SCFD2: variants seen among roughly 807,000 people sequenced by gnomAD.
SCFD2 encodes the protein sec1 family domain-containing protein 2.
A neutral mutation model predicts 58.9 loss-of-function variants in SCFD2; 54 were observed. The ratio of observed to expected loss-of-function variants is 0.92; its 90% confidence interval spans 0.74 to 1.15. SCFD2 has a LOEUF of 1.15. SCFD2 is among the 50% of genes most tolerant of loss of function. SCFD2 has a pLI of 0.00. For synonymous variants in SCFD2, 321 were observed against 335.9 expected, an observed-to-expected ratio of 0.96 and a Z score of 0.49; for missense variants, 805 against 836.6, an observed-to-expected ratio of 0.96 and a Z score of 0.47.
At chr4:53,158,801 AT>A (rs1206166778) in intron 4 of SCFD2, among the ~76,000 whole-genome samples, 2 of 152,192 alleles carry the variant, frequency 1.3e-5, no homozygotes, top group Non-Finnish European at 2.9e-5. Flanking sequence ...TTTCTGACAG[AT>A]TACAATTAAA....
chr4:52,947,010 G>GT (rs1720448502), intron 5 of SCFD2, among the ~76,000 whole-genome samples: 1 of 152,154 alleles, frequency 6.6e-6, no homozygotes, highest in South Asian at 2.1e-4. Flanking sequence ...CCTGGTGCAT[G>GT]TGAGCGCTTT....
At chr4:53,165,816 T>C (rs1726990337) in intron 4 of SCFD2, among the ~76,000 whole-genome samples, 1 of 152,236 alleles carries the variant, frequency 6.6e-6, no homozygotes, top group East Asian at 1.9e-4. Context: ...TCAAACTTTA[T>C]TGAATGAATG....
At chr4:52,930,214 A>G (rs1719957960) in intron 5 of SCFD2, among the ~76,000 whole-genome samples, 1 of 152,174 alleles carries the variant, frequency 6.6e-6, no homozygotes, top group Non-Finnish European at 1.5e-5. Context: ...ATCTACAACC[A>G]TCTGATCCAA....
intron 5 of SCFD2, among the ~76,000 whole-genome samples, chr4:53,023,847 T>C (rs996775810): frequency 5.3e-5 from 8 of 152,190 alleles, no homozygotes; most frequent in African/African-American, 1.9e-4. Flanking sequence ...CTGTTCAGTA[T>C]GAGCTCTGTC....
At chr4:53,325,199 G>A (rs557645200) in intron 2 of SCFD2, among the ~76,000 whole-genome samples, 92 of 151,112 alleles carry the variant, frequency 6.1e-4, no homozygotes, top group African/African-American at 8.3e-4. Flanking sequence ...GTGCGCGTGC[G>A]CGCACGCTTA....
chr4:52,940,202 G>T (rs1239685377), intron 5 of SCFD2, among the ~76,000 whole-genome samples: 1 of 152,166 alleles, frequency 6.6e-6, no homozygotes, highest in Non-Finnish European at 1.5e-5. Context: ...GGGGTGGAAA[G>T]GTGCCTGAGG....
intron 5 of SCFD2, among the ~76,000 whole-genome samples, chr4:53,020,724 C>A (rs568004069): frequency 2.0e-5 from 3 of 152,230 alleles, no homozygotes; most frequent in African/African-American, 7.2e-5. Flanking sequence ...ACCGAGGGTA[C>A]AAATGAAATA....
At chr4:53,259,773 C>A (rs989294681) in intron 4 of SCFD2, among the ~76,000 whole-genome samples, 2 of 151,988 alleles carry the variant, frequency 1.3e-5, no homozygotes, top group Admixed American at 6.6e-5. Context: ...GGTATTTTGA[C>A]AGAAATTGCA....
rs1398087581 is a variant in SCFD2, at chr4:52,920,837, T to C, written c.1595A>G (p.Lys532Arg). ...WDSSINLTFH[K>R]SKIAVDELFT... ...GAGTTCATCCACGGCAATTTTGGAT[T>C]TGTGAAATGTCAGATTAATTGAAGA... is the stretch of plus-strand genomic sequence containing the variant. Residue 532 changes from lysine (K) to arginine (R), a missense_variant, in exon 6 of 9, where the codon AAA (lysine) becomes AGA (arginine). Physicochemically the swap from Lys to Arg is conservative, Grantham distance 26. Transcript: ENST00000401642. 6 of 1,611,486 alleles carry C rather than the reference T, an allele frequency of 3.7e-6. No homozygotes were observed. Among genetic ancestry groups the C allele is most frequent in the Non-Finnish European group, 4.2e-6 (5 of 1,178,484 alleles).
At position 53,237,512 on chromosome 4, in the gene SCFD2, C is replaced by T. The variant is rs1420955808; in HGVS notation, c.1311+36314G>A. Among the ~76,000 whole-genome samples the T allele has an allele frequency of 6.5e-4, 9 of 13,824 alleles. 3 individuals carry two copies. In the East Asian group the frequency reaches 0.021, roughly 32 times the overall value. The allele number at this position is 13,824 out of a possible 152,430, so 9.1% of individuals were successfully genotyped here. ...CCTCCCGGACGGGCGGCTGGCCGGG[C>T]GGGGGGCTGACCCCCACCTCTCTCC... On this transcript the variant is annotated intron_variant, in intron 4 of 8. Coordinates refer to ENST00000401642, the MANE Select transcript of SCFD2 (RefSeq NM_152540.4).
chr4:52,927,379 G>A (rs987167860), intron 5 of SCFD2, among the ~76,000 whole-genome samples: 7 of 151,166 alleles, frequency 4.6e-5, no homozygotes, highest in East Asian at 3.9e-4. Context: ...TAAGATTTCC[G>A]ACATACCACA....
chr4:53,037,326 TATG>T (rs1293411313), intron 5 of SCFD2, among the ~76,000 whole-genome samples: 4 of 152,160 alleles, frequency 2.6e-5, no homozygotes, highest in Admixed American at 1.3e-4. Context: ...TAGGAAAAAT[TATG>T]GAGAAATATT....
intron 5 of SCFD2, among the ~76,000 whole-genome samples, chr4:52,970,459 G>A (rs955532275): frequency 3.3e-5 from 5 of 152,338 alleles, no homozygotes; most frequent in Admixed American, 6.5e-5. Flanking sequence ...AGGTGGCAGC[G>A]AGGCTCGGGG....
intron 4 of SCFD2, among the ~76,000 whole-genome samples, chr4:53,207,480 T>TCAGGAAAAAATCACTAAA (rs1293448555): frequency 3.2e-5 from 1 of 31,260 alleles, no homozygotes. Flanking sequence ...TTGAAATATA[T>TCAGGAAAAAATCACTAAA]TATATATATA....
rs7675987 is a variant in SCFD2, at chr4:53,145,359, A to T, written c.1535T>A (p.Leu512Ter). 24 of 1,613,864 alleles carry T rather than the reference A, an allele frequency of 1.5e-5. No individual in the cohort carries two copies. The highest frequency in any genetic ancestry group is 1.9e-5 in the Non-Finnish European group (22 of 1,179,974). The change falls in exon 5 of 9, where the codon TTG becomes TAG. Residue 512 changes from leucine (L) to a stop codon, truncating the protein, a stop_gained. Transcript: ENST00000401642. LOFTEE classifies it high-confidence loss of function. The stretch of plus-strand genomic sequence containing the variant: ...CGTAATTTTTTGCAGCAAAGGTGAC[A>T]ATCCAGATTCCTCACAGAAGACCTG... The part of the protein sequence containing the change: ...LAQVFCEESG[L>*]SPLLQKITDW...
At chr4:53,035,980 T>C (rs28864428) in intron 5 of SCFD2, among the ~76,000 whole-genome samples, 28,857 of 152,126 alleles carry the variant, frequency 0.19, 4,725 homozygotes, top group African/African-American at 0.45. Flanking sequence ...ACTAGGTATA[T>C]ACCCAAAGGA....
intron 2 of SCFD2, among the ~76,000 whole-genome samples, chr4:53,330,768 A>G (rs1291860521): frequency 6.6e-6 from 1 of 152,106 alleles, no homozygotes; most frequent in African/African-American, 2.4e-5. Context: ...ATGTAAATGG[A>G]CTAAATGCTC....
intron 4 of SCFD2, among the ~76,000 whole-genome samples, chr4:53,191,221 G>A (rs1324008202): frequency 6.6e-6 from 1 of 151,924 alleles, no homozygotes; most frequent in Non-Finnish European, 1.5e-5. Context: ...CTGGTGGCAG[G>A]TGGCTGTAAT....
chr4:52,875,720 A>T (rs1323457653), intron 8 of SCFD2, among the ~76,000 whole-genome samples: 1 of 149,680 alleles, frequency 6.7e-6, no homozygotes, highest in Non-Finnish European at 1.5e-5. Context: ...ATTTTTCAAC[A>T]ACCTTATGAG....
Sources: gnomAD v4.1 joint callset for allele counts (sites outside exome capture counted in the v4.1 genomes callset) on GRCh38, gnomAD v4.1.1 for gene constraint, MANE v1.5 for transcripts, NCBI Gene and HGNC (gene_info 2026-07-23, HGNC 2026-07-21) for gene names.